Variants in CHRM3 observed in about 807,000 individuals in gnomAD.
The protein encoded by CHRM3 is muscarinic acetylcholine receptor M3.
Under a neutral mutation model 41.8 loss-of-function variants are expected in CHRM3, and 11 were observed. The observed-to-expected ratio is 0.26, with a 90% CI of 0.17 to 0.44. CHRM3 has a LOEUF of 0.44. Ranked by LOEUF, CHRM3 falls within the 20% of genes least tolerant of loss-of-function variation. CHRM3 has a pLI of 1.00. For synonymous variants in CHRM3, 297 were observed against 301.4 expected (o/e 0.99, Z 0.15); for missense variants, 571 against 745.4 (o/e 0.77, Z 2.72).
chr1:239,800,014 T>G (rs1670088859), intron 5 of CHRM3, among the ~76,000 whole-genome samples: 1 of 152,182 alleles, frequency 6.6e-6, no homozygotes, highest in Non-Finnish European at 1.5e-5. Flanking sequence ...ATCAGGTAGC[T>G]TTTTTTGTTT....
intron 5 of CHRM3, among the ~76,000 whole-genome samples, chr1:239,751,221 A>G (rs1456146310): frequency 7.3e-5 from 11 of 150,766 alleles, no homozygotes; most frequent in Admixed American, 6.0e-4. Flanking sequence ...CTGGATGACA[A>G]GAGTGAAACT....
intron 5 of CHRM3, among the ~76,000 whole-genome samples, chr1:239,699,172 T>C (rs916951973): frequency 6.6e-6 from 1 of 152,164 alleles, no homozygotes; most frequent in African/African-American, 2.4e-5. Context: ...TAAAAGTATG[T>C]TCTGTTTTAC....
intron 3 of CHRM3, among the ~76,000 whole-genome samples, chr1:239,584,105 CTTCT>C (rs1168711013): frequency 7.2e-6 from 1 of 138,488 alleles, no homozygotes; most frequent in Non-Finnish European, 1.5e-5. Context: ...CATTCTTCTT[CTTCT>C]TTTTTTTTTT....
chr1:239,881,199 C>T (rs1036305710), intron 6 of CHRM3, among the ~76,000 whole-genome samples: 17 of 139,002 alleles, frequency 1.2e-4, no homozygotes, highest in Non-Finnish European at 2.1e-4. Flanking sequence ...AGGAGAATGG[C>T]GTGAACCCGG....
chr1:239,586,437 C>G (rs1173852598), intron 3 of CHRM3, among the ~76,000 whole-genome samples: 1 of 151,962 alleles, frequency 6.6e-6, no homozygotes, highest in African/African-American at 2.4e-5. Flanking sequence ...AAGAAAATGT[C>G]AGGGCTTTGA....
At chr1:239,878,342 C>T (rs915114935) in intron 6 of CHRM3, among the ~76,000 whole-genome samples, 7 of 152,024 alleles carry the variant, frequency 4.6e-5, no homozygotes, top group East Asian at 1.9e-4. Flanking sequence ...CTAGATCCTT[C>T]GCAAATGCAG....
intron 4 of CHRM3, among the ~76,000 whole-genome samples, chr1:239,660,497 G>A (rs181054139): frequency 1.4e-3 from 209 of 152,124 alleles, no homozygotes; most frequent in South Asian, 3.9e-3. Flanking sequence ...GCAGTCCTTA[G>A]TCTATATATA....
chr1:239,743,111 G>A (rs1218003199), intron 5 of CHRM3, among the ~76,000 whole-genome samples: 1 of 152,120 alleles, frequency 6.6e-6, no homozygotes, highest in African/African-American at 2.4e-5. Flanking sequence ...TCTGATAATT[G>A]TTTAGGCAAT....
At chr1:239,572,992 A>G (rs368140156) in intron 3 of CHRM3, among the ~76,000 whole-genome samples, 97 of 152,248 alleles carry the variant, frequency 6.4e-4, no homozygotes, top group African/African-American at 2.2e-3. Context: ...CACTTCGTTG[A>G]ATATCCTATT....
intron 2 of CHRM3, among the ~76,000 whole-genome samples, chr1:239,520,091 T>C (rs557365759): frequency 6.6e-6 from 1 of 152,214 alleles, no homozygotes; most frequent in South Asian, 2.1e-4. Flanking sequence ...AAATACCAAA[T>C]GTTTAACTCA....
chr1:239,581,854 A>G (rs768974560), intron 3 of CHRM3, among the ~76,000 whole-genome samples: 3 of 152,172 alleles, frequency 2.0e-5, no homozygotes, highest in Non-Finnish European at 4.4e-5. Context: ...GCTTTTCTGA[A>G]TAGAAGTTAG....
chr1:239,804,656 C>T (rs1261076537), intron 5 of CHRM3, among the ~76,000 whole-genome samples: 1 of 152,128 alleles, frequency 6.6e-6, no homozygotes, highest in Admixed American at 6.5e-5. Flanking sequence ...CAGTCACATC[C>T]CTCCATGGGG....
At chr1:239,407,970 T>TATGTAAA (rs1263895329) in intron 1 of CHRM3, among the ~76,000 whole-genome samples, 1 of 152,164 alleles carries the variant, frequency 6.6e-6, no homozygotes, top group Non-Finnish European at 1.5e-5. Flanking sequence ...AAGGTACCAC[T>TATGTAAA]ATGTAAAATG....
At chr1:239,635,735 T>A (rs1670389635) in intron 4 of CHRM3, among the ~76,000 whole-genome samples, 1 of 152,212 alleles carries the variant, frequency 6.6e-6, no homozygotes, top group Admixed American at 6.5e-5. Flanking sequence ...CCCATTATAA[T>A]ATCATCTAAG....
intron 2 of CHRM3, among the ~76,000 whole-genome samples, chr1:239,525,830 C>T (rs1478913306): frequency 1.3e-5 from 2 of 152,198 alleles, no homozygotes; most frequent in Admixed American, 6.5e-5. Context: ...TTTCCACAGC[C>T]TGTTGCTTCC....
At chr1:239,403,749 T>C (rs1334712358) in intron 1 of CHRM3, among the ~76,000 whole-genome samples, 1 of 151,910 alleles carries the variant, frequency 6.6e-6, no homozygotes, top group East Asian at 1.9e-4. Flanking sequence ...GGGGTGATCA[T>C]GTGTGGCCCA....
At chr1:239,840,292 G>A (rs1020349706) in intron 6 of CHRM3, among the ~76,000 whole-genome samples, 1 of 152,116 alleles carries the variant, frequency 6.6e-6, no homozygotes, top group African/African-American at 2.4e-5. Context: ...GTGTAAATTA[G>A]AGCGTTAACC....
At chr1:239,467,458 C>G (rs151271530) in intron 1 of CHRM3, among the ~76,000 whole-genome samples, 1 of 152,060 alleles carries the variant, frequency 6.6e-6, no homozygotes, top group East Asian at 1.9e-4. Context: ...CATGCCACCA[C>G]GCCAGGCTAA....
At chr1:239,610,486 G>T (rs1164428923) in intron 3 of CHRM3, among the ~76,000 whole-genome samples, 1 of 152,038 alleles carries the variant, frequency 6.6e-6, no homozygotes, top group African/African-American at 2.4e-5. Flanking sequence ...CTCTAATGCT[G>T]CTCCTAATCT....
Sources: allele counts gnomAD v4.1 joint callset (sites outside exome capture counted in the v4.1 genomes callset), GRCh38; gene constraint gnomAD v4.1.1; transcripts MANE v1.5; gene names NCBI Gene and HGNC (gene_info 2026-07-23, HGNC 2026-07-21).